The following KCNH8 variants were observed in gnomAD, a reference collection of about 807,000 sequenced individuals.
The protein encoded by KCNH8 is potassium voltage-gated channel subfamily H member 8, also known as voltage-gated delayed rectifier potassium channel KCNH8.
A neutral mutation model predicts 103.6 loss-of-function variants in KCNH8; 70 were observed. The observed-to-expected ratio is 0.68, with a 90% CI of 0.56 to 0.82. The LOEUF is 0.82. Ranked by LOEUF, KCNH8 falls within the 40% of genes least tolerant of loss-of-function variation. The pLI is 0.00. For missense variants in KCNH8, 1,217 were observed against 1,329.9 expected, an observed-to-expected ratio of 0.92 and a Z score of 1.32; for synonymous variants, 498 against 489.4, an observed-to-expected ratio of 1.02 and a Z score of -0.23.
chr3:19,338,366 G>A (rs1281388082), intron 3 of KCNH8, among the ~76,000 whole-genome samples: 1 of 151,640 alleles, frequency 6.6e-6, no homozygotes, highest in African/African-American at 2.4e-5. Flanking sequence ...TTTAGCCCTC[G>A]GTCATCCATA....
At chr3:19,478,840 C>T (rs1484054491) in intron 11 of KCNH8, among the ~76,000 whole-genome samples, 1 of 152,060 alleles carries the variant, frequency 6.6e-6, no homozygotes, top group African/African-American at 2.4e-5. Context: ...ATACTGTCTC[C>T]TGAGCTACCT....
chr3:19,344,352 T>C (rs2065701581), intron 4 of KCNH8, among the ~76,000 whole-genome samples: 1 of 152,128 alleles, frequency 6.6e-6, no homozygotes, highest in East Asian at 1.9e-4. Context: ...ATGCATTTGC[T>C]GGGCATGCTA....
intron 11 of KCNH8, among the ~76,000 whole-genome samples, chr3:19,484,564 G>C: frequency 6.6e-6 from 1 of 152,134 alleles, no homozygotes; most frequent in Non-Finnish European, 1.5e-5. Flanking sequence ...TCCAGGCTCG[G>C]TTTTGTCTCC....
At chr3:19,276,175 A>ATGTGTGTGTGTGTGTGTG (rs59768467) in intron 2 of KCNH8, among the ~76,000 whole-genome samples, 9 of 141,878 alleles carry the variant, frequency 6.3e-5, no homozygotes, top group Non-Finnish European at 1.4e-4. Context: ...CAATATGTAT[A>ATGTGTGTGTGTGTGTGTG]TGTGTGTGTG....
chr3:19,284,552 T>TGTGA (rs1491346037), intron 3 of KCNH8, among the ~76,000 whole-genome samples: 81 of 135,338 alleles, frequency 6.0e-4, no homozygotes, highest in African/African-American at 2.1e-3. Context: ...TGTGTGTGTG[T>TGTGA]GAGGGAGAGA....
chr3:19,481,173 T>C (rs1404192449), intron 11 of KCNH8, among the ~76,000 whole-genome samples: 1 of 152,144 alleles, frequency 6.6e-6, no homozygotes, highest in Non-Finnish European at 1.5e-5. Flanking sequence ...GATTTTGTTG[T>C]TTATTTATAT....
At chr3:19,186,595 G>C (rs530095361) in intron 1 of KCNH8, among the ~76,000 whole-genome samples, 2 of 151,844 alleles carry the variant, frequency 1.3e-5, no homozygotes, top group African/African-American at 4.8e-5. Context: ...TCTTTGTTTC[G>C]TTGAGGGATA....
At chr3:19,180,502 T>G (rs1194750332) in intron 1 of KCNH8, among the ~76,000 whole-genome samples, 1 of 152,152 alleles carries the variant, frequency 6.6e-6, no homozygotes, top group African/African-American at 2.4e-5. Flanking sequence ...TTGCCAACGT[T>G]ATAACAAGAA....
At chr3:19,216,205 G>T (rs1236657442) in intron 1 of KCNH8, among the ~76,000 whole-genome samples, 1 of 152,166 alleles carries the variant, frequency 6.6e-6, no homozygotes. Context: ...TAGCTTGCTG[G>T]TTTGTGGAAT....
At chr3:19,465,048 C>T (rs1284301521) in intron 11 of KCNH8, among the ~76,000 whole-genome samples, 2 of 152,074 alleles carry the variant, frequency 1.3e-5, no homozygotes, top group Non-Finnish European at 2.9e-5. Flanking sequence ...ATTTTCTTTT[C>T]TTTTATTCTG....
Position 19,362,093 on chromosome 3 carries a change from C to T in KCNH8, c.811+14128C>T, listed in dbSNP as rs35884616. On this transcript the variant is annotated intron_variant, in intron 5 of 15. Transcript: ENST00000328405. ...TTCAATCAATAATGATGATTATTGT[C>T]GATAATGTAGGGGAGGAAAATCTTC... Among the ~76,000 whole-genome samples, 375 of 152,094 alleles carry T rather than the reference C, an allele frequency of 2.5e-3. 1 individual carries two copies. The highest frequency in any genetic ancestry group is 3.5e-3 in the Non-Finnish European group (241 of 67,992).
At chr3:19,320,857 C>G (rs781036709) in intron 3 of KCNH8, among the ~76,000 whole-genome samples, 2 of 151,594 alleles carry the variant, frequency 1.3e-5, no homozygotes, top group Non-Finnish European at 2.9e-5. Flanking sequence ...TTCAGTCTCT[C>G]TGCTTGTTAC....
intron 11 of KCNH8, among the ~76,000 whole-genome samples, chr3:19,466,729 T>C (rs1410562255): frequency 1.5e-5 from 2 of 134,392 alleles, no homozygotes; most frequent in Non-Finnish European, 3.1e-5. Flanking sequence ...AATGACACGA[T>C]CTCAGCTTAC....
intron 1 of KCNH8, among the ~76,000 whole-genome samples, chr3:19,225,114 A>C (rs1488240947): frequency 2.0e-5 from 3 of 152,120 alleles, no homozygotes; most frequent in Non-Finnish European, 2.9e-5. Context: ...ATTGAATACT[A>C]ACCTGAGGGA....
chr3:19,392,498 C>G (rs2066453953), intron 6 of KCNH8, among the ~76,000 whole-genome samples: 1 of 151,838 alleles, frequency 6.6e-6, no homozygotes, highest in African/African-American at 2.4e-5. Flanking sequence ...AAAGCTTGTT[C>G]AAGGTATTAT....
chr3:19,331,513 G>C (rs547523040), intron 3 of KCNH8, among the ~76,000 whole-genome samples: 4 of 152,022 alleles, frequency 2.6e-5, no homozygotes, highest in African/African-American at 9.6e-5. Flanking sequence ...GGATGATCTT[G>C]ATCTCTTGAC....
intron 1 of KCNH8, among the ~76,000 whole-genome samples, chr3:19,231,669 T>C (rs1200640869): frequency 6.6e-6 from 1 of 152,188 alleles, no homozygotes; most frequent in Non-Finnish European, 1.5e-5. Flanking sequence ...ATCTGTTGCA[T>C]GGCTTCCTTT....
chr3:19,436,704 G>A (rs781136940), intron 7 of KCNH8, among the ~76,000 whole-genome samples: 3 of 152,148 alleles, frequency 2.0e-5, no homozygotes, highest in Non-Finnish European at 2.9e-5. Context: ...GTTGCTCCCT[G>A]AAACACTTCA....
At chr3:19,391,380 G>C (rs184116284) in intron 6 of KCNH8, among the ~76,000 whole-genome samples, 24 of 152,024 alleles carry the variant, frequency 1.6e-4, no homozygotes, top group African/African-American at 5.5e-4. Flanking sequence ...AAACTTTTAG[G>C]GAGGCCATTT....
Sources: allele counts gnomAD v4.1 joint callset (sites outside exome capture counted in the v4.1 genomes callset), GRCh38; gene constraint gnomAD v4.1.1; transcripts MANE v1.5; gene names NCBI Gene and HGNC (gene_info 2026-07-23, HGNC 2026-07-21).